Variants in DNAH14 observed in about 807,000 individuals in gnomAD.
The protein encoded by DNAH14 is dynein axonemal heavy chain 14.
Under a neutral mutation model 520.9 loss-of-function variants are expected in DNAH14, and 478 were observed. The observed-to-expected ratio is 0.92, with a 90% CI of 0.85 to 0.99. DNAH14 has a LOEUF of 0.99. Ranked by LOEUF, DNAH14 falls within the 50% of genes least tolerant of loss-of-function variation. The probability of loss-of-function intolerance (pLI) is 0.00; values close to 1 mark genes in which losing one functional copy is unlikely to be tolerated. For synonymous variants in DNAH14, 1,581 were observed against 1,757.2 expected (o/e 0.90, Z 2.51); for missense variants, 4,831 against 5,234.5 (o/e 0.92, Z 2.38).
intron 74 of DNAH14, among the ~76,000 whole-genome samples, chr1:225,360,451 AAGACAACCAG>A (rs2095480254): frequency 1.3e-5 from 2 of 152,322 alleles, no homozygotes; most frequent in South Asian, 4.1e-4. Context: ...GATGTCGGAG[AAGACAACCAG>A]CAGGTGCTGC....
At chr1:224,957,026 T>C (rs1204802150) in intron 3 of DNAH14, among the ~76,000 whole-genome samples, 1 of 152,084 alleles carries the variant, frequency 6.6e-6, no homozygotes, top group Non-Finnish European at 1.5e-5. Context: ...CGTGGAAAGG[T>C]TCTAAGCAAG....
Position 225,259,161 on chromosome 1 carries a change from G to C in DNAH14, c.7065G>C (p.Met2355Ile), listed in dbSNP as rs745642052. The C allele has an allele frequency of 1.2e-5, 18 of 1,546,250 alleles. No homozygotes were observed. Among genetic ancestry groups the C allele is most frequent in the Non-Finnish European group, 1.6e-5 (18 of 1,145,382 alleles). ...GGAAAACTGCTGCCATTAATCAAATGCTTGAAAAGCTAGAGGGTCCAGGAG... is the reference window on the plus strand; with the variant it reads ...GGAAAACTGCTGCCATTAATCAAATCCTTGAAAAGCTAGAGGGTCCAGGAG... ...GVGKTAAINQ[M>I]LEKLEGPGAF... Residue 2355 changes from methionine (M) to isoleucine (I), a missense_variant, in exon 46 of 86, where the codon ATG becomes ATC. By Grantham distance (10) the Met-to-Ile change is conservative (BLOSUM62 1). Transcript: ENST00000682510.
At chr1:224,944,094 G>A (rs547344139) in intron 1 of DNAH14, among the ~76,000 whole-genome samples, 7 of 152,116 alleles carry the variant, frequency 4.6e-5, no homozygotes, top group Non-Finnish European at 8.8e-5. Flanking sequence ...TGACAGTGGG[G>A]TGTTAAAGTC....
intron 61 of DNAH14, among the ~76,000 whole-genome samples, chr1:225,319,178 C>T (rs908085753): frequency 3.3e-5 from 5 of 152,132 alleles, no homozygotes; most frequent in African/African-American, 1.2e-4. Flanking sequence ...ACAGGAAGTG[C>T]GGGAAGTGCT....
intron 62 of DNAH14, 43 bp from the exon 63 acceptor site, chr1:225,324,179 A>C (rs915857512): frequency 5.2e-6 from 8 of 1,545,734 alleles, no homozygotes; most frequent in Non-Finnish European, 7.0e-6. Flanking sequence ...TCAGGTGAAT[A>C]ATATTTCTTT....
chr1:225,346,755 T>G, intron 71 of DNAH14, 101 bp downstream of exon 71: 1 of 876,062 alleles, frequency 1.1e-6, no homozygotes, highest in Non-Finnish European at 1.7e-6. Context: ...TTGATTAAAG[T>G]AAAAGTAGCT....
chr1:225,336,008 T>TATAC (rs1490847628), intron 66 of DNAH14, among the ~76,000 whole-genome samples: 7 of 95,736 alleles, frequency 7.3e-5, no homozygotes, highest in Admixed American at 2.5e-4. Flanking sequence ...CATATATGTA[T>TATAC]ACGCATATAT....
chr1:224,936,160 A>G (rs970307712), intron 1 of DNAH14, among the ~76,000 whole-genome samples: 8 of 151,962 alleles, frequency 5.3e-5, no homozygotes, highest in Admixed American at 4.6e-4. Flanking sequence ...TCAAGGAACT[A>G]GAAAAGCAAG....
intron 66 of DNAH14, among the ~76,000 whole-genome samples, chr1:225,335,525 A>ACG (rs2094956790): frequency 7.0e-6 from 1 of 142,844 alleles, no homozygotes; most frequent in Non-Finnish European, 1.6e-5. Context: ...ATGTACATAT[A>ACG]TACATATGTA....
At chr1:225,124,274 A>G (rs183399834) in intron 27 of DNAH14, among the ~76,000 whole-genome samples, 27 of 152,300 alleles carry the variant, frequency 1.8e-4, no homozygotes, top group African/African-American at 6.3e-4. Context: ...TTAAAATTAG[A>G]TAACAATGAA....
intron 11 of DNAH14, among the ~76,000 whole-genome samples, chr1:225,038,021 C>CCAGTGAGT (rs2067132661): frequency 6.6e-6 from 1 of 152,084 alleles, no homozygotes; most frequent in Non-Finnish European, 1.5e-5. Context: ...CTTACTGTTA[C>CCAGTGAGT]CAGTGAGTTT....
Position 225,123,572 on chromosome 1 carries a change from C to A in DNAH14, c.4212C>A (p.Ser1404=). ...GIEDWNCQMF[S]QWVLSHPGQV... ...AAGACTGGAACTGCCAGATGTTTTCCCAATGGGTGTTATCTCATCCAGGAC... is the reference window on the plus strand; with the variant it reads ...AAGACTGGAACTGCCAGATGTTTTCACAATGGGTGTTATCTCATCCAGGAC... Residue 1404 remains serine (S), a synonymous_variant, in exon 27 of 86, where the codon TCC becomes TCA. Coordinates refer to ENST00000682510, the MANE Select transcript of DNAH14 (RefSeq NM_001367479.1). The A allele has an allele frequency of 4.6e-6, 2 of 433,968 alleles. No homozygotes were observed. The highest frequency in any genetic ancestry group is 2.0e-5 in the African/African-American group (1 of 49,274). The allele number at this position is 433,968 out of a possible 1,614,324, so 26.9% of individuals were successfully genotyped here. A position where few individuals can be genotyped will look rare whatever the true frequency, so the allele number is the denominator to read the frequency against.
intron 27 of DNAH14, among the ~76,000 whole-genome samples, chr1:225,137,273 C>T (rs1213587216): frequency 6.6e-6 from 1 of 152,130 alleles, no homozygotes; most frequent in East Asian, 1.9e-4. Flanking sequence ...GTGGGCTTAT[C>T]TACCTTTGAT....
At chr1:225,214,761 T>A (rs1267625114) in intron 41 of DNAH14, among the ~76,000 whole-genome samples, 3 of 152,232 alleles carry the variant, frequency 2.0e-5, no homozygotes, top group Non-Finnish European at 4.4e-5. Flanking sequence ...ATATCCCCTT[T>A]GTCATTTTTT....
At chr1:225,247,074 C>T (rs1262431413) in intron 43 of DNAH14, among the ~76,000 whole-genome samples, 1 of 152,150 alleles carries the variant, frequency 6.6e-6, no homozygotes, top group Admixed American at 6.5e-5. Flanking sequence ...ATGTGCTTTG[C>T]AGGGACATGG....
chr1:225,286,148 G>A (rs1188741648), intron 54 of DNAH14, among the ~76,000 whole-genome samples: 1 of 152,160 alleles, frequency 6.6e-6, no homozygotes, highest in African/African-American at 2.4e-5. Context: ...TTAGAGGCCA[G>A]GAAGGGGAGA....
intron 17 of DNAH14, among the ~76,000 whole-genome samples, chr1:225,058,970 A>C (rs546498542): frequency 9.9e-5 from 15 of 151,712 alleles, no homozygotes; most frequent in African/African-American, 3.4e-4. Flanking sequence ...CAATTTTTGA[A>C]TAGGTGTGGT....
At chr1:225,106,331 A>G (rs2076043968) in intron 23 of DNAH14, among the ~76,000 whole-genome samples, 1 of 151,524 alleles carries the variant, frequency 6.6e-6, no homozygotes, top group South Asian at 2.1e-4. Flanking sequence ...CCTTCATTTC[A>G]ACTTTGGTGA....
chr1:225,350,402 A>G (rs1004968104), intron 71 of DNAH14, among the ~76,000 whole-genome samples: 1 of 152,106 alleles, frequency 6.6e-6, no homozygotes, highest in African/African-American at 2.4e-5. Flanking sequence ...AAGGATTGAA[A>G]TAATAAAGAC....
Sources: allele counts gnomAD v4.1 joint callset (sites outside exome capture counted in the v4.1 genomes callset), GRCh38; gene constraint gnomAD v4.1.1; transcripts MANE v1.5; gene names NCBI Gene and HGNC (gene_info 2026-07-23, HGNC 2026-07-21).